The following USP42 variants were observed in gnomAD, a reference collection of about 807,000 sequenced individuals.
USP42 encodes ubiquitin carboxyl-terminal hydrolase 42.
Under a neutral mutation model 113.0 loss-of-function variants are expected in USP42, and 23 were observed. That is an observed-to-expected ratio of 0.20 (90% CI 0.15 to 0.29). The LOEUF is 0.29. Among genes scored for constraint, USP42 ranks in the 10% least tolerant of loss-of-function variants. USP42 has a pLI of 1.00. For synonymous variants in USP42, 933 were observed against 699.0 expected (o/e 1.33, Z -5.28); for missense variants, 2,174 against 1,779.8 (o/e 1.22, Z -3.99).
At chr7:6,087,545 C>T in the USP42 span, among the ~76,000 whole-genome samples, 1 of 150,364 alleles carries the variant, frequency 6.7e-6, no homozygotes. Context: ...CCATGTTGCC[C>T]AGGCTGATCT....
chr7:6,132,810 C>T (rs1284336842), intron 3 of USP42, among the ~76,000 whole-genome samples: 1 of 152,002 alleles, frequency 6.6e-6, no homozygotes, highest in Non-Finnish European at 1.5e-5. Context: ...TAGCTGGGAC[C>T]ACAGGTGCGT....
intron 3 of USP42, chr7:6,116,930 C>T: frequency 2.0e-6 from 1 of 504,922 alleles, no homozygotes; most frequent in South Asian, 1.5e-5. Context: ...CTCCCGATGT[C>T]CAGAATTAGG....
chr7:6,150,294 C>T lies in USP42; in HGVS notation c.2098C>T (p.Pro700Ser), dbSNP rs1781968157. The change falls in exon 13 of 18, where the codon CCT (proline) becomes TCT (serine). Residue 700 changes from proline to serine, a missense_variant. Transcript: ENST00000306177. ...ENPFAKANGL[P>S]GKLMPAPLLS... ...TCCCTTTGCTAAGGCAAACGGTCTT[C>T]CTGGAAAGGTGAGTGCACGTCAGGG... 3 of 1,613,030 alleles carry T rather than the reference C, an allele frequency of 1.9e-6. No individual in the cohort carries two copies. The highest frequency in any genetic ancestry group is 1.7e-6 in the Non-Finnish European group (2 of 1,179,542).
At chr7:6,155,775 A>G (rs1257309301) in intron 15 of USP42, among the ~76,000 whole-genome samples, 1 of 152,176 alleles carries the variant, frequency 6.6e-6, no homozygotes, top group African/African-American at 2.4e-5. Flanking sequence ...TTTAAGAGAC[A>G]GGGTGTTGCT....
chr7:6,117,013 T>C, intron 3 of USP42: 1 of 383,954 alleles, frequency 2.6e-6, no homozygotes, highest in South Asian at 2.1e-5. Flanking sequence ...TCTCTTTCTC[T>C]CTCTCTTTTC....
intron 15 of USP42, among the ~76,000 whole-genome samples, chr7:6,156,028 A>G (rs1782429154): frequency 2.0e-5 from 3 of 152,192 alleles, no homozygotes; most frequent in African/African-American, 7.2e-5. Context: ...GGCATGAGCC[A>G]CCTCACCTGG....
chr7:6,139,627 CAA>C lies in USP42; in HGVS notation c.656+434_656+435del, dbSNP rs1781336453. 1 of 201,556 alleles carries C rather than the reference CAA, an allele frequency of 5.0e-6. No individual in the cohort carries two copies. Among genetic ancestry groups the C allele is most frequent in the Non-Finnish European group, 1.0e-5 (1 of 99,188 alleles). The allele number at this position is 201,556 out of a possible 1,614,324, so 12.5% of individuals were successfully genotyped here. A position where few individuals can be genotyped will look rare whatever the true frequency, so the allele number is the denominator to read the frequency against. ...GTTCCTTAAAATCTAAATGCAGACT[CAA>C]GAGGAAGAACGAGGGGACAGATAAT... On this transcript the variant is annotated intron_variant, in intron 5 of 17. Transcript: ENST00000306177. This position sits in a 1 kb window ranked among gnomAD's most constrained non-coding sequence, Gnocchi z 4.5.
intron 4 of USP42, 84 bp downstream of exon 4, chr7:6,136,035 T>G: frequency 5.8e-6 from 5 of 855,184 alleles, no homozygotes; most frequent in Non-Finnish European, 6.9e-6. Flanking sequence ...GACAGAGTCT[T>G]GCTCTGTCGC....
chr7:6,113,536 A>G (rs1263002297), intron 2 of USP42, among the ~76,000 whole-genome samples: 1 of 152,002 alleles, frequency 6.6e-6, no homozygotes, highest in Non-Finnish European at 1.5e-5. Context: ...TAGCCTGCCT[A>G]CGCCTGCCTA....
Position 6,154,562 on chromosome 7 carries a change from G to C in USP42, c.3008G>C (p.Gly1003Ala). ...GCCCCGGAGCACCACCCCGGCCACGGCGACAGGCTCAGCCCTGGCGAGCGC... is the reference window on the plus strand; with the variant it reads ...GCCCCGGAGCACCACCCCGGCCACGCCGACAGGCTCAGCCCTGGCGAGCGC... ...RHAPEHHPGHGDRLSPGERRS... is the reference protein window; with the variant it reads ...RHAPEHHPGHADRLSPGERRS... The change falls in exon 15 of 18, where the codon GGC becomes GCC. Residue 1003 changes from glycine to alanine, a missense_variant. Coordinates refer to ENST00000306177, the MANE Select transcript of USP42 (RefSeq NM_032172.3). 1.3e-6 allele frequency: 2 copies of C among 1,553,006 alleles called. No individual in the cohort carries two copies. The highest frequency in any genetic ancestry group is 1.7e-6 in the Non-Finnish European group (2 of 1,150,840).
chr7:6,152,757 C>T (rs555183240), intron 14 of USP42, among the ~76,000 whole-genome samples: 14 of 152,286 alleles, frequency 9.2e-5, no homozygotes, highest in Admixed American at 6.5e-4. Flanking sequence ...GAAAGCTCTG[C>T]GGGAATCAAA....
chr7:6,092,015 T>C, the USP42 span, among the ~76,000 whole-genome samples: 14 of 98,762 alleles, frequency 1.4e-4, no homozygotes, highest in African/African-American at 5.0e-4. Context: ...CTTCTTCTTC[T>C]TCTTCTTCTT....
intron 2 of USP42, among the ~76,000 whole-genome samples, chr7:6,112,518 G>A (rs1779653377): frequency 6.6e-6 from 1 of 152,102 alleles, no homozygotes. Flanking sequence ...TGATACAAAT[G>A]TGGTTACATT....
upstream of USP42, among the ~76,000 whole-genome samples, chr7:6,103,411 C>G (rs140243320): frequency 0.02 from 2,965 of 150,344 alleles, 66 homozygotes; most frequent in Non-Finnish European, 0.025. Flanking sequence ...TGGCGGGCAT[C>G]TGTAATCCCA....
At chr7:6,128,561 T>G (rs1027154063) in intron 3 of USP42, among the ~76,000 whole-genome samples, 2 of 152,218 alleles carry the variant, frequency 1.3e-5, no homozygotes, top group Non-Finnish European at 2.9e-5. Context: ...GTTGTGCTGT[T>G]CAATCCATTT....
chr7:6,144,924 G>T (rs772509071), intron 9 of USP42, among the ~76,000 whole-genome samples: 8 of 152,050 alleles, frequency 5.3e-5, no homozygotes, highest in Admixed American at 2.6e-4. Flanking sequence ...TCCTTTGATG[G>T]GTTTGAAGAA....
At chr7:6,099,211 CTTTTTTTTTTTTT>C in the USP42 span, among the ~76,000 whole-genome samples, 1 of 98,802 alleles carries the variant, frequency 1.0e-5, no homozygotes, top group Non-Finnish European at 1.9e-5. Flanking sequence ...TGTTCCCTCT[CTTTTTTTTTTTTT>C]TTTTTTTTGA....
intron 4 of USP42, among the ~76,000 whole-genome samples, chr7:6,136,386 C>T (rs768237262): frequency 5.3e-5 from 8 of 152,044 alleles, no homozygotes; most frequent in South Asian, 2.1e-4. Context: ...TTTTGTCGTA[C>T]GTGGCTATGT....
chr7:6,091,097 C>T, the USP42 span, among the ~76,000 whole-genome samples: 4 of 150,928 alleles, frequency 2.7e-5, no homozygotes, highest in Non-Finnish European at 5.9e-5. Context: ...CAACTTACTT[C>T]GGTTTATTGC....
Sources: allele counts gnomAD v4.1 joint callset (sites outside exome capture counted in the v4.1 genomes callset), GRCh38; gene constraint gnomAD v4.1.1; non-coding constraint Gnocchi (gnomAD v3.1); transcripts MANE v1.5; gene names NCBI Gene and HGNC (gene_info 2026-07-23, HGNC 2026-07-21).